The following FNDC3B variants were observed in gnomAD, a reference collection of about 807,000 sequenced individuals.
FNDC3B encodes fibronectin type III domain-containing protein 3B.
Under a neutral mutation model 151.5 loss-of-function variants are expected in FNDC3B, and 12 were observed. The ratio of observed to expected loss-of-function variants is 0.08; its 90% CI spans 0.05 to 0.13. The LOEUF (loss-of-function observed/expected upper bound fraction) is 0.13. Ranked by LOEUF, FNDC3B falls within the 10% of genes least tolerant of loss-of-function variation. The pLI is 1.00. For missense variants in FNDC3B, 1,214 were observed against 1,505.3 expected (o/e 0.81, Z 3.20); for synonymous variants, 528 against 549.0 (o/e 0.96, Z 0.54).
In FNDC3B at chr3:172,048,577, A is replaced by G. The variant is rs563754688; in HGVS notation, c.-29+8806A>G. Among the ~76,000 whole-genome samples, 19 of 152,358 alleles carry G rather than the reference A, an allele frequency of 1.2e-4. No homozygotes were observed. In the East Asian group the frequency reaches 3.7e-3, roughly 29 times the overall value. ...ATAAATATTTACACATAGAATTACT[A>G]TATGATTCAGCAATTCCATTCCTAT... is the stretch of plus-strand genomic sequence containing the variant. On this transcript the variant is annotated intron_variant, in intron 1 of 25. Coordinates refer to ENST00000415807, the MANE Select transcript of FNDC3B (RefSeq NM_022763.4).
intron 3 of FNDC3B, among the ~76,000 whole-genome samples, chr3:172,212,819 A>T (rs1464081364): frequency 6.6e-6 from 1 of 152,236 alleles, no homozygotes. Context: ...GAAGAACTTT[A>T]AAAAATACTA....
chr3:172,239,775 CAAAAA>C (rs200097298), intron 4 of FNDC3B, among the ~76,000 whole-genome samples: 2 of 70,196 alleles, frequency 2.8e-5, no homozygotes, highest in South Asian at 9.7e-4. Context: ...TTAGCTAAGA[CAAAAA>C]AAAAAAAAAA....
chr3:172,317,631 C>G (rs60027719), intron 11 of FNDC3B, among the ~76,000 whole-genome samples: 1 of 152,142 alleles, frequency 6.6e-6, no homozygotes, highest in Non-Finnish European at 1.5e-5. Context: ...CTCACGGGTA[C>G]GTAAGACTGA....
At chr3:172,083,869 G>C (rs1718409112) in intron 1 of FNDC3B, among the ~76,000 whole-genome samples, 1 of 152,176 alleles carries the variant, frequency 6.6e-6, no homozygotes, top group African/African-American at 2.4e-5. Flanking sequence ...TGAAAGTATA[G>C]TAGCCAGGTG....
rs1736413999 is a variant in FNDC3B, at chr3:172,398,743, G to A, written c.*1268G>A. 2 of 152,176 alleles carry A rather than the reference G, an allele frequency of 1.3e-5. No individual in the cohort carries two copies. Among genetic ancestry groups the A allele is most frequent in the African/African-American group, 4.8e-5 (2 of 41,404 alleles). The allele number at this position is 152,176 out of a possible 1,614,324, so 9.4% of individuals were successfully genotyped here. On this transcript the variant is annotated 3_prime_UTR_variant, in exon 26 of 26. Coordinates refer to ENST00000415807, the MANE Select transcript of FNDC3B (RefSeq NM_022763.4). Reference sequence around the variant, plus strand: ...CCTCTCTGTGCCTCAGTTTTCCCATGCATGAAAAATAAAATAAAATAAAAC... The same window carrying A: ...CCTCTCTGTGCCTCAGTTTTCCCATACATGAAAAATAAAATAAAATAAAAC...
At chr3:172,110,101 G>A (rs190851640) in intron 1 of FNDC3B, among the ~76,000 whole-genome samples, 6 of 152,220 alleles carry the variant, frequency 3.9e-5, no homozygotes, top group African/African-American at 9.6e-5. Flanking sequence ...CATTGACAGC[G>A]GTCCTGTTAG....
intron 3 of FNDC3B, among the ~76,000 whole-genome samples, chr3:172,153,402 T>G (rs1377964679): frequency 6.6e-6 from 1 of 152,158 alleles, no homozygotes; most frequent in Non-Finnish European, 1.5e-5. Context: ...AGAGGCGGCC[T>G]CTGTCCTGCA....
At chr3:172,317,442 C>T (rs1446009093) in intron 11 of FNDC3B, among the ~76,000 whole-genome samples, 1 of 152,112 alleles carries the variant, frequency 6.6e-6, no homozygotes, top group African/African-American at 2.4e-5. Flanking sequence ...CCTCGGCCTC[C>T]CAAAGTGCTG....
chr3:172,056,426 T>C (rs1366515912), intron 1 of FNDC3B, among the ~76,000 whole-genome samples: 3 of 152,220 alleles, frequency 2.0e-5, no homozygotes, highest in Non-Finnish European at 4.4e-5. Context: ...CCCTTGTCTA[T>C]AGATAATAGC....
At chr3:172,331,615 C>T (rs1732674068) in intron 13 of FNDC3B, among the ~76,000 whole-genome samples, 1 of 152,128 alleles carries the variant, frequency 6.6e-6, no homozygotes. Flanking sequence ...CCTCCTCAGC[C>T]TCCCAAAGTG....
At position 172,263,057 on chromosome 3, in the gene FNDC3B, A is replaced by G. The variant is rs558336718; in HGVS notation, c.790+11516A>G. 4.3e-4 allele frequency among the ~76,000 whole-genome samples: 64 copies of G among 150,298 alleles called. 1 individual carries two copies. Among genetic ancestry groups the G allele is most frequent in the Non-Finnish European group, 7.1e-4 (48 of 67,694 alleles). On this transcript the variant is annotated intron_variant, in intron 6 of 25. Transcript: ENST00000415807. ...CTCTTAAAACCAAATTCACTCTCATATCCCCTTGGTATGTAATAAAAAGCA... is the reference window on the plus strand; with the variant it reads ...CTCTTAAAACCAAATTCACTCTCATGTCCCCTTGGTATGTAATAAAAAGCA...
At chr3:172,333,488 A>ATTTT (rs748224819) in intron 14 of FNDC3B, among the ~76,000 whole-genome samples, 21 of 102,828 alleles carry the variant, frequency 2.0e-4, no homozygotes, top group Admixed American at 4.3e-4. Flanking sequence ...TGCCCGGCTA[A>ATTTT]TTTTTTTTTT....
intron 25 of FNDC3B, among the ~76,000 whole-genome samples, chr3:172,393,014 G>A (rs1414796919): frequency 2.0e-5 from 3 of 151,654 alleles, no homozygotes; most frequent in South Asian, 2.1e-4. Context: ...TGTTGGTCAC[G>A]CTGGTCTTGA....
At chr3:172,079,177 T>A (rs1283296852) in intron 1 of FNDC3B, among the ~76,000 whole-genome samples, 1 of 152,164 alleles carries the variant, frequency 6.6e-6, no homozygotes, top group East Asian at 1.9e-4. Flanking sequence ...ATCAAAAATA[T>A]GAATTCATCA....
intron 1 of FNDC3B, among the ~76,000 whole-genome samples, chr3:172,096,037 A>T (rs567892372): frequency 1.3e-5 from 2 of 152,240 alleles, no homozygotes; most frequent in Non-Finnish European, 1.5e-5. Flanking sequence ...GTTCTAAAAT[A>T]TCTTAAGCCA....
At chr3:172,165,942 T>G (rs985055086) in intron 3 of FNDC3B, among the ~76,000 whole-genome samples, 3 of 152,234 alleles carry the variant, frequency 2.0e-5, no homozygotes, top group African/African-American at 7.2e-5. Context: ...GAGTGTTTCA[T>G]TTTGTTCTTT....
intron 4 of FNDC3B, among the ~76,000 whole-genome samples, chr3:172,231,758 C>G (rs1427761800): frequency 7.5e-6 from 1 of 134,046 alleles, no homozygotes; most frequent in African/African-American, 3.2e-5. Flanking sequence ...CGTGGCAGAG[C>G]CTTGTCCTGA....
intron 1 of FNDC3B, among the ~76,000 whole-genome samples, chr3:172,094,298 G>A (rs113792312): frequency 1.8e-4 from 28 of 152,232 alleles, no homozygotes; most frequent in African/African-American, 6.0e-4. Context: ...CCTCATAGCC[G>A]TTGGCAGTTG....
At chr3:172,229,235 T>C (rs1397611922) in intron 4 of FNDC3B, among the ~76,000 whole-genome samples, 1 of 152,166 alleles carries the variant, frequency 6.6e-6, no homozygotes, top group Non-Finnish European at 1.5e-5. Context: ...GTCCTCTTCC[T>C]AAAGTAGACA....
Sources: gnomAD v4.1 joint callset for allele counts (sites outside exome capture counted in the v4.1 genomes callset) on GRCh38, gnomAD v4.1.1 for gene constraint, MANE v1.5 for transcripts, NCBI Gene and HGNC (gene_info 2026-07-23, HGNC 2026-07-21) for gene names.